Variants in IRS1 observed in about 807,000 individuals in gnomAD.
IRS1 encodes insulin receptor substrate 1.
IRS1 carries 34 observed loss-of-function variants against 65.6 expected under a neutral mutation model. That is an observed-to-expected ratio of 0.52 (90% CI 0.39 to 0.69). IRS1 has a LOEUF of 0.69. Ranked by LOEUF, IRS1 falls within the 30% of genes least tolerant of loss-of-function variation. The pLI, the probability that IRS1 is intolerant of heterozygous loss-of-function variation, is 0.00. For synonymous variants in IRS1, 699 were observed against 683.5 expected (o/e 1.02, Z -0.35); for missense variants, 1,641 against 1,720.2 (o/e 0.95, Z 0.81).
intron 1 of IRS1, among the ~76,000 whole-genome samples, chr2:226,753,313 C>T (rs1019054667): frequency 3.9e-5 from 6 of 152,028 alleles, no homozygotes; most frequent in Non-Finnish European, 5.9e-5. Flanking sequence ...TTTTAATCAC[C>T]GACTCATTAT....
Position 226,735,119 on chromosome 2 carries a change from C to T in IRS1, c.*1153G>A, listed in dbSNP as rs564461900. 1.3e-5 allele frequency: 2 copies of T among 151,318 alleles called. No homozygotes were observed. The highest frequency in any genetic ancestry group is 2.1e-4 in the South Asian group (1 of 4,794). 9.4% of individuals were successfully genotyped at this position (151,318 alleles called of 1,614,324 possible). On this transcript the variant is annotated 3_prime_UTR_variant, in exon 2 of 2. Coordinates refer to ENST00000305123, the MANE Select transcript of IRS1 (RefSeq NM_005544.3). ...AGCTCACTTGCCTTACCATCTTTCT[C>T]AAGACAATGCAGGAAATGAAATATA...
At chr2:226,792,528 T>TC in intron 1 of IRS1, 1 of 152,232 alleles carries the variant, frequency 6.6e-6, no homozygotes, top group East Asian at 1.9e-4. Flanking sequence ...GCAGAAAAGG[T>TC]CACTGGACTA....
Position 226,799,661 on chromosome 2 carries a change from CCCT to C in IRS1, c.-926_-924del, listed in dbSNP as rs960514836. ...CCGCTGCAGTTACTTCTCCCCTCCT[CCCT>C]CCTCCTCCTCCTCCTCGGAGAGTTG... On this transcript the variant is annotated 5_prime_UTR_variant, in exon 1 of 2. Coordinates refer to ENST00000305123, the MANE Select transcript of IRS1 (RefSeq NM_005544.3). The surrounding 1 kb of genome is among the most constrained non-coding windows in gnomAD (Gnocchi z 6.1). 109 of 984,962 alleles carry C rather than the reference CCCT, an allele frequency of 1.1e-4. 2 individuals are homozygous for C. The highest frequency in any genetic ancestry group is 3.1e-4 in the Admixed American group (5 of 16,236). The allele number at this position is 984,962 out of a possible 1,614,324, so 61.0% of individuals were successfully genotyped here. A position where few individuals can be genotyped will look rare whatever the true frequency, so the allele number is the denominator to read the frequency against.
chr2:226,788,553 T>C (rs752615149), intron 1 of IRS1, among the ~76,000 whole-genome samples: 1 of 152,178 alleles, frequency 6.6e-6, no homozygotes, highest in African/African-American at 2.4e-5. Context: ...TGGAAAGTGT[T>C]CCTTTTATCA....
chr2:226,789,189 C>G (rs1939544418), intron 1 of IRS1, among the ~76,000 whole-genome samples: 1 of 152,198 alleles, frequency 6.6e-6, no homozygotes, highest in African/African-American at 2.4e-5. Flanking sequence ...ATATACTATT[C>G]AGCTAAGACA....
chr2:226,756,936 T>C (rs547955841), intron 1 of IRS1, among the ~76,000 whole-genome samples: 21 of 151,840 alleles, frequency 1.4e-4, no homozygotes, highest in African/African-American at 3.6e-4. Flanking sequence ...CACTCCAGCC[T>C]GGTGACAGAG....
chr2:226,771,639 T>C (rs1939166740), intron 1 of IRS1, among the ~76,000 whole-genome samples: 1 of 151,974 alleles, frequency 6.6e-6, no homozygotes, highest in Middle Eastern at 3.2e-3. Context: ...TACTTAAACA[T>C]CTATATATAT....
At position 226,796,412 on chromosome 2, in the gene IRS1, C is replaced by T. The variant is rs201429535; in HGVS notation, c.2327G>A (p.Arg776His). 9 of 1,613,316 alleles carry T rather than the reference C, an allele frequency of 5.6e-6. No homozygotes were observed. Among genetic ancestry groups the T allele is most frequent in the Middle Eastern group, 1.6e-4 (1 of 6,082 alleles). The change falls in exon 1 of 2, where the codon CGC (arginine) becomes CAC (histidine). Residue 776 changes from arginine to histidine, a missense_variant. Around this residue, in one of 3 missense-constraint regions of IRS1, gnomAD observed 1,324 missense variants for 1,361.0 expected, o/e 0.97. Transcript: ENST00000305123. ...GGCACCCTCCTCCGGCTCCCCGGGG[C>T]GCTGGGTGTGCTTAAAGGATCTTGG... is the stretch of plus-strand genomic sequence containing the variant. Reference protein sequence around the residue: ...SLPRSFKHTQRPGEPEEGARH... With the variant: ...SLPRSFKHTQHPGEPEEGARH...
At chr2:226,752,704 T>C (rs1264514489) in intron 1 of IRS1, among the ~76,000 whole-genome samples, 2 of 152,234 alleles carry the variant, frequency 1.3e-5, no homozygotes, top group South Asian at 2.1e-4. Flanking sequence ...AGAGTGAGAA[T>C]ACATTTTACC....
chr2:226,797,184 T>C lies in IRS1; in HGVS notation c.1555A>G (p.Asn519Asp). Reference protein sequence around the residue: ...DEAASAADLDNRFRKRTHSAG... With the variant: ...DEAASAADLDDRFRKRTHSAG... ...GAGTGAGTTCTCTTTCGGAACCGAT[T>C]ATCCAGATCTGCAGCACTGGCTGCT... Residue 519 changes from asparagine to aspartate, a missense_variant, in exon 1 of 2, where the codon AAT (asparagine) becomes GAT (aspartate). Physicochemically the swap from Asn to Asp is conservative, Grantham distance 23 (BLOSUM62 1). Around this residue, in one of 3 missense-constraint regions of IRS1, gnomAD observed 1,324 missense variants for 1,361.0 expected, o/e 0.97. Coordinates refer to ENST00000305123, the MANE Select transcript of IRS1 (RefSeq NM_005544.3). This position sits in a 1 kb window ranked among gnomAD's most constrained non-coding sequence, Gnocchi z 8.1. The C allele has an allele frequency of 6.2e-7, 1 of 1,613,962 alleles. No individual in the cohort carries two copies. Among genetic ancestry groups the C allele is most frequent in the Non-Finnish European group, 8.5e-7 (1 of 1,180,010 alleles).
chr2:226,798,845 G>A lies in IRS1; in HGVS notation c.-107C>T. On this transcript the variant is annotated 5_prime_UTR_variant, in exon 1 of 2. Coordinates refer to ENST00000305123, the MANE Select transcript of IRS1 (RefSeq NM_005544.3). The surrounding 1 kb of genome is among the most constrained non-coding windows in gnomAD (Gnocchi z 9.4). ...CCCGGCACATGCAAACAGGGCTGGA[G>A]GCAGCAGAAACCCCGACTCTGAAAT... is the stretch of plus-strand genomic sequence containing the variant. 4 of 1,540,694 alleles carry A rather than the reference G, an allele frequency of 2.6e-6. No homozygotes were observed. The highest frequency in any genetic ancestry group is 3.5e-6 in the Non-Finnish European group (4 of 1,142,666).
chr2:226,796,004 G>A lies in IRS1; in HGVS notation c.2735C>T (p.Pro912Leu), dbSNP rs761390879. 21 of 1,614,150 alleles carry A rather than the reference G, an allele frequency of 1.3e-5. No individual in the cohort carries two copies. The highest frequency in any genetic ancestry group is 2.2e-5 in the South Asian group (2 of 91,090). ...AGAAGGTGAGCTGTGGAAAGCCACC[G>A]GGCCAGACAAGTAGCCAGACTGATC... The part of the protein sequence containing the change: ...GSDQSGYLSG[P>L]VAFHSSPSVR... Residue 912 changes from proline (P) to leucine (L), a missense_variant, in exon 1 of 2, where the codon CCG becomes CTG. By Grantham distance (98) the Pro-to-Leu change is moderately conservative. Coordinates refer to ENST00000305123, the MANE Select transcript of IRS1 (RefSeq NM_005544.3).
chr2:226,797,096 A>G lies in IRS1; in HGVS notation c.1643T>C (p.Ile548Thr), dbSNP rs748559100. Residue 548 changes from isoleucine (I) to threonine (T), a missense_variant, in exon 1 of 2, where the codon ATT (isoleucine) becomes ACT (threonine). Transcript: ENST00000305123. This position sits in a 1 kb window ranked among gnomAD's most constrained non-coding sequence, Gnocchi z 8.1. ...AGGCATCATCTCTGTGTACTCCTCA[A>G]TGGAAGCCACTGAGGACTGGGACGG... ...KTPSQSSVAS[I>T]EEYTEMMPAY... is the part of the protein sequence containing the mutation. The G allele has an allele frequency of 6.8e-6, 11 of 1,613,430 alleles. No homozygotes were observed. The highest frequency in any genetic ancestry group is 3.3e-4 in the Middle Eastern group (2 of 6,084).
intron 1 of IRS1, among the ~76,000 whole-genome samples, chr2:226,771,849 T>C (rs1939172218): frequency 6.6e-6 from 1 of 152,180 alleles, no homozygotes; most frequent in Non-Finnish European, 1.5e-5. Context: ...ACAGGAACTA[T>C]AAAATGCATG....
At chr2:226,764,632 A>G (rs1938992115) in intron 1 of IRS1, among the ~76,000 whole-genome samples, 1 of 152,244 alleles carries the variant, frequency 6.6e-6, no homozygotes, top group Admixed American at 6.5e-5. Flanking sequence ...ATTAGTCTCA[A>G]TGAAGACCAG....
In IRS1 at chr2:226,798,380, T is replaced by C. The variant is rs1939797834; in HGVS notation, c.359A>G (p.His120Arg). 1.2e-6 allele frequency: 2 copies of C among 1,613,770 alleles called. No homozygotes were observed. The highest frequency in any genetic ancestry group is 2.2e-5 in the South Asian group (2 of 91,078). The change falls in exon 1 of 2, where the codon CAC (histidine) becomes CGC (arginine). Residue 120 changes from histidine to arginine, a missense_variant. His to Arg is a conservative substitution (Grantham distance 29). Transcript: ENST00000305123. The surrounding 1 kb of genome is among the most constrained non-coding windows in gnomAD (Gnocchi z 9.4). ...LLQLHNRAKGHHDGAAALGAG... is the reference protein window; with the variant it reads ...LLQLHNRAKGRHDGAAALGAG... ...CCCGAGGGCCGCAGCTCCGTCGTGGTGGCCCTTAGCACGGTTGTGCAGCTG... is the reference window on the plus strand; with the variant it reads ...CCCGAGGGCCGCAGCTCCGTCGTGGCGGCCCTTAGCACGGTTGTGCAGCTG...
intron 1 of IRS1, among the ~76,000 whole-genome samples, chr2:226,757,216 A>G (rs141545485): frequency 3.3e-5 from 5 of 152,306 alleles, no homozygotes; most frequent in African/African-American, 7.2e-5. Context: ...AGCTTTCACT[A>G]CTAGAGGATG....
In IRS1 at chr2:226,795,078, G is replaced by A. The variant is rs754239320; in HGVS notation, c.3661C>T (p.Arg1221Cys). 3.9e-5 allele frequency: 63 copies of A among 1,611,696 alleles called. No homozygotes were observed. The South Asian group carries it at 5.1e-4, about 13-fold the overall frequency. Residue 1221 changes from arginine to cysteine, a missense_variant, in exon 1 of 2, where the codon CGC becomes TGC. Coordinates refer to ENST00000305123, the MANE Select transcript of IRS1 (RefSeq NM_005544.3). ...TAGGCGCTTAAATCCTCACTTGAGC[G>A]GCGGGTGGAGCTGCTCTCACCGCTG... ...LGSGESSSTR[R>C]SSEDLSAYAS... is the part of the protein sequence containing the mutation.
chr2:226,799,012 C>T lies in IRS1; in HGVS notation c.-274G>A, dbSNP rs1267878825. 2 of 1,414,084 alleles carry T rather than the reference C, an allele frequency of 1.4e-6. No individual in the cohort carries two copies. The highest frequency in any genetic ancestry group is 1.9e-6 in the Non-Finnish European group (2 of 1,079,602). 87.6% of individuals were successfully genotyped at this position (1,414,084 alleles called of 1,614,324 possible). ...CCGGGGTGAGGGCAGCCCCGATCCT[C>T]CGAGAGCCAAGTCTCCTCTCAGCCG... On this transcript the variant is annotated 5_prime_UTR_variant, in exon 1 of 2. Transcript: ENST00000305123. This position sits in a 1 kb window ranked among gnomAD's most constrained non-coding sequence, Gnocchi z 6.1.
Sources: allele counts gnomAD v4.1 joint callset (sites outside exome capture counted in the v4.1 genomes callset), GRCh38; gene constraint gnomAD v4.1.1; regional missense constraint gnomAD v4.1.1; non-coding constraint Gnocchi (gnomAD v3.1); transcripts MANE v1.5; gene names NCBI Gene and HGNC (gene_info 2026-07-23, HGNC 2026-07-21).